Variants in GLI2 observed in about 807,000 individuals in gnomAD.
GLI2 encodes transcription activator GLI2.
In GLI2, 22 loss-of-function variants were observed where a neutral mutation model predicts 78.9. The ratio of observed to expected loss-of-function variants is 0.28; its 90% CI spans 0.20 to 0.40. The LOEUF (loss-of-function observed/expected upper bound fraction) is 0.40, where lower values mean the gene tolerates loss of function less well. Among genes scored for constraint, GLI2 ranks in the 10% least tolerant of loss-of-function variants. The pLI is 1.00. For missense variants in GLI2, 2,097 were observed against 2,213.2 expected, an observed-to-expected ratio of 0.95 and a Z score of 1.05; for synonymous variants, 974 against 963.7, an observed-to-expected ratio of 1.01 and a Z score of -0.20.
chr2:120,914,029 C>G (rs565791926), intron 2 of GLI2, among the ~76,000 whole-genome samples: 5 of 152,342 alleles, frequency 3.3e-5, no homozygotes, highest in Admixed American at 3.3e-4. Flanking sequence ...GGGCTGGATG[C>G]TAGTTAAGTA....
At position 120,990,697 on chromosome 2, in the gene GLI2, A is replaced by G; in HGVS notation, c.*22A>G. ...CTAGAGGCCCGAGCGCCTGGTGCTG[A>G]GTGCACCCGGAGGGGTCATCGCTGC... On this transcript the variant is annotated 3_prime_UTR_variant, in exon 14 of 14. Transcript: ENST00000361492. 4 of 1,599,340 alleles carry G rather than the reference A, an allele frequency of 2.5e-6. No individual in the cohort carries two copies. Among genetic ancestry groups the G allele is most frequent in the Non-Finnish European group, 3.4e-6 (4 of 1,170,722 alleles).
At chr2:120,771,712 G>A (rs1046524969) in intron 1 of GLI2, among the ~76,000 whole-genome samples, 4 of 152,200 alleles carry the variant, frequency 2.6e-5, no homozygotes, top group African/African-American at 9.6e-5. Flanking sequence ...TGGCCACAGG[G>A]TCTGTGACTA....
intron 1 of GLI2, among the ~76,000 whole-genome samples, chr2:120,782,944 C>T (rs949500514): frequency 6.6e-6 from 1 of 152,196 alleles, no homozygotes; most frequent in African/African-American, 2.4e-5. Flanking sequence ...GGCTCCCCTA[C>T]CTGGTGGGCT....
chr2:120,970,466 G>A lies in GLI2; in HGVS notation c.919G>A (p.Gly307Arg), dbSNP rs201331588. The change falls in exon 7 of 14, where the codon GGG becomes AGG. Residue 307 changes from glycine (G) to arginine (R), a missense_variant. This residue lies in a region of GLI2 where 578 missense variants were observed against 612.0 expected (regional missense o/e 0.94). Coordinates refer to ENST00000361492, the MANE Select transcript of GLI2 (RefSeq NM_001374353.1). ...GATTCTGAGCCAGCAGAGGGGTCTG[G>A]GGTCAGCCTTTGGACACACACCACC... is the stretch of plus-strand genomic sequence containing the variant. ...QQILSQQRGLGSAFGHTPPLI... is the reference protein window; with the variant it reads ...QQILSQQRGLRSAFGHTPPLI... The A allele has an allele frequency of 1.8e-5, 29 of 1,613,956 alleles. No individual in the cohort carries two copies. In the East Asian group the frequency reaches 2.0e-4, roughly 11 times the overall value.
Position 120,986,254 on chromosome 2 carries a change from GCCT to G in GLI2, c.1906-23_1906-21del, listed in dbSNP as rs777436428. 3.7e-6 allele frequency: 6 copies of G among 1,606,018 alleles called. No individual in the cohort carries two copies. The South Asian group carries it at 6.6e-5, about 18-fold the overall frequency. The stretch of plus-strand genomic sequence containing the variant: ...GGAATCTGATACCCTCTGAGTCTGA[GCCT>G]TCTTGCCTCGTCCCCTGCAGCTGTG... On this transcript the variant is annotated intron_variant, in intron 12 of 13. Transcript: ENST00000361492.
At chr2:120,979,741 C>T (rs1053309080) in intron 10 of GLI2, among the ~76,000 whole-genome samples, 25 of 152,050 alleles carry the variant, frequency 1.6e-4, no homozygotes, top group African/African-American at 6.0e-4. Context: ...TTAGCAGCCA[C>T]TCCTAATTCT....
intron 2 of GLI2, among the ~76,000 whole-genome samples, chr2:120,879,875 A>G (rs1031543882): frequency 6.6e-6 from 1 of 152,084 alleles, no homozygotes; most frequent in African/African-American, 2.4e-5. Context: ...CCAGCCAGTC[A>G]TTTTCTCCAG....
intron 5 of GLI2, among the ~76,000 whole-genome samples, chr2:120,956,960 C>T (rs148019993): frequency 5.9e-5 from 9 of 152,290 alleles, no homozygotes; most frequent in African/African-American, 1.7e-4. Flanking sequence ...TGGAAGCCTC[C>T]TCCTTCCCTT....
intron 5 of GLI2, among the ~76,000 whole-genome samples, chr2:120,968,114 A>G (rs1573696711): frequency 6.6e-6 from 1 of 152,192 alleles, no homozygotes; most frequent in African/African-American, 2.4e-5. Context: ...GCCACACACA[A>G]TAGCATGGAG....
At chr2:120,930,651 C>T (rs911935727) in intron 3 of GLI2, among the ~76,000 whole-genome samples, 1 of 152,254 alleles carries the variant, frequency 6.6e-6, no homozygotes, top group Non-Finnish European at 1.5e-5. Context: ...ACTGCAGATC[C>T]TCAGGCCACA....
intron 2 of GLI2, among the ~76,000 whole-genome samples, chr2:120,822,905 T>G: frequency 6.6e-6 from 1 of 152,326 alleles, no homozygotes; most frequent in East Asian, 1.9e-4. Context: ...CCCCTTACCC[T>G]AGCTCTTCCT....
chr2:120,797,297 CA>C lies in GLI2; in HGVS notation c.-23del, dbSNP rs1684440688. ...TCTTTGTCTTCTCTTTTAGGATTGC[CA>C]CCCAGGACGATGAGCGGCTGAGATG... is the stretch of plus-strand genomic sequence containing the variant. On this transcript the variant is annotated 5_prime_UTR_variant, in exon 2 of 14. Transcript: ENST00000361492. 9 of 1,613,396 alleles carry C rather than the reference CA, an allele frequency of 5.6e-6. 1 individual carries two copies. The African/African-American group carries it at 9.3e-5, about 17-fold the overall frequency.
At chr2:120,945,957 T>TCACACA (rs3223143) in intron 3 of GLI2, among the ~76,000 whole-genome samples, 4,107 of 134,210 alleles carry the variant, frequency 0.031, 206 homozygotes, top group African/African-American at 0.098. Context: ...CATAACCTTC[T>TCACACA]CACACACACA....
intron 2 of GLI2, among the ~76,000 whole-genome samples, chr2:120,895,685 A>G (rs1677906366): frequency 6.6e-6 from 1 of 152,236 alleles, no homozygotes; most frequent in Admixed American, 6.5e-5. Context: ...CCTGGGTGAC[A>G]GAGCGAGACT....
intron 2 of GLI2, among the ~76,000 whole-genome samples, chr2:120,881,637 GCAAGGAGGGCAGTTT>G (rs1677136780): frequency 1.1e-5 from 1 of 88,284 alleles, no homozygotes; most frequent in Non-Finnish European, 2.2e-5. Context: ...GGAGGACAGT[GCAAGGAGGGCAGTTT>G]GGGGGAGGAC....
chr2:120,959,119 G>A (rs1450796527), intron 5 of GLI2, among the ~76,000 whole-genome samples: 1 of 152,206 alleles, frequency 6.6e-6, no homozygotes, highest in African/African-American at 2.4e-5. Flanking sequence ...AGCCCCGGGG[G>A]CTGAGCATCT....
chr2:120,916,988 G>T (rs1301120480), intron 2 of GLI2, among the ~76,000 whole-genome samples: 1 of 152,122 alleles, frequency 6.6e-6, no homozygotes, highest in East Asian at 1.9e-4. Flanking sequence ...CCTGGGGATT[G>T]GGCCTGGGAT....
Position 120,968,848 on chromosome 2 carries a change from A to G in GLI2, c.778A>G (p.Ile260Val), listed in dbSNP as rs543734429. The G allele has an allele frequency of 3.1e-6, 5 of 1,613,814 alleles. No homozygotes were observed. Among genetic ancestry groups the G allele is most frequent in the East Asian group, 4.5e-5 (2 of 44,872 alleles). ...CTCACCCAACTCGCTAGTGGCCTAC[A>G]TCAACAACTCCCGAAGCAGCTCGGC... The part of the protein sequence containing the change: ...RTSPNSLVAY[I>V]NNSRSSSAAS... The change falls in exon 6 of 14, where the codon ATC (isoleucine) becomes GTC (valine). Residue 260 changes from isoleucine (I) to valine (V), a missense_variant. Transcript: ENST00000361492.
rs772735571 is a variant in GLI2 at position 120,982,896 on chromosome 2, A to G, written c.1632+16A>G. 1.9e-6 allele frequency: 3 copies of G among 1,612,392 alleles called. No individual in the cohort carries two copies. Among genetic ancestry groups the G allele is most frequent in the African/African-American group, 1.3e-5 (1 of 74,916 alleles). On this transcript the variant is annotated intron_variant, in intron 11 of 13. Transcript: ENST00000361492. ...CTCCAACGAGGTACCTCTGCGGGGCATGCACTGGGCATGCACACTGGGGCC... is the reference window on the plus strand; with the variant it reads ...CTCCAACGAGGTACCTCTGCGGGGCGTGCACTGGGCATGCACACTGGGGCC...
Sources: allele counts gnomAD v4.1 joint callset (sites outside exome capture counted in the v4.1 genomes callset), GRCh38; gene constraint gnomAD v4.1.1; regional missense constraint gnomAD v4.1.1; transcripts MANE v1.5; gene names NCBI Gene and HGNC (gene_info 2026-07-23, HGNC 2026-07-21).